Variants in ENPP6 observed in about 807,000 individuals in gnomAD.
ENPP6 encodes the protein ectonucleotide pyrophosphatase/phosphodiesterase 6, also known as glycerophosphocholine cholinephosphodiesterase ENPP6.
A neutral mutation model predicts 42.0 loss-of-function variants in ENPP6; 32 were observed. That is an observed-to-expected ratio of 0.76 (90% CI 0.58 to 1.02). The LOEUF (loss-of-function observed/expected upper bound fraction) is 1.02. Ranked by LOEUF, ENPP6 falls within the 50% of genes least tolerant of loss-of-function variation. The probability of loss-of-function intolerance (pLI) is 0.00; values close to 1 mark genes in which losing one functional copy is unlikely to be tolerated. For synonymous variants in ENPP6, 213 were observed against 216.0 expected (o/e 0.99, Z 0.12); for missense variants, 552 against 566.8 (o/e 0.97, Z 0.27).
chr4:184,093,270 T>G (rs1735839193), intron 7 of ENPP6, among the ~76,000 whole-genome samples: 3 of 152,176 alleles, frequency 2.0e-5, no homozygotes. Flanking sequence ...CTAAATTATC[T>G]GGAGGGTTTA....
intron 1 of ENPP6, among the ~76,000 whole-genome samples, chr4:184,157,732 C>A (rs1426489123): frequency 6.6e-6 from 1 of 150,928 alleles, no homozygotes; most frequent in Middle Eastern, 3.2e-3. Flanking sequence ...CTCAGCCTCC[C>A]AAGTAGCTGG....
chr4:184,210,951 C>T (rs1252323583), intron 1 of ENPP6, among the ~76,000 whole-genome samples: 2 of 151,478 alleles, frequency 1.3e-5, no homozygotes, highest in South Asian at 2.1e-4. Flanking sequence ...AACTGCTCAA[C>T]TACATGGAAA....
intron 1 of ENPP6, 79 bp from the exon 2 acceptor site, chr4:184,153,812 C>G (rs531540840): frequency 4.0e-6 from 6 of 1,492,544 alleles, no homozygotes; most frequent in Middle Eastern, 1.8e-4. Flanking sequence ...ATCATATAAG[C>G]CATTCGTGCT....
intron 3 of ENPP6, among the ~76,000 whole-genome samples, chr4:184,120,971 C>T (rs984874154): frequency 5.3e-5 from 8 of 152,158 alleles, no homozygotes; most frequent in South Asian, 4.1e-4. Context: ...AGCCCTAAGC[C>T]GCTGTGGAAA....
At chr4:184,203,472 C>T (rs1253010434) in intron 1 of ENPP6, among the ~76,000 whole-genome samples, 2 of 152,166 alleles carry the variant, frequency 1.3e-5, no homozygotes, top group Admixed American at 6.5e-5. Flanking sequence ...AAGCCCTTTG[C>T]AGACATAGTC....
intron 6 of ENPP6, among the ~76,000 whole-genome samples, chr4:184,104,022 C>CTTTT (rs374303995): frequency 2.0e-5 from 3 of 149,938 alleles, no homozygotes; most frequent in African/African-American, 7.3e-5. Context: ...CTTTTCTTTT[C>CTTTT]TTTTTTTGAA....
chr4:184,111,072 A>T (rs1736189092), intron 6 of ENPP6, among the ~76,000 whole-genome samples: 1 of 152,138 alleles, frequency 6.6e-6, no homozygotes, highest in Non-Finnish European at 1.5e-5. Flanking sequence ...GTCATCCAGC[A>T]TCTCCATAGT....
At chr4:184,161,209 C>T (rs1475009654) in intron 1 of ENPP6, among the ~76,000 whole-genome samples, 1 of 151,936 alleles carries the variant, frequency 6.6e-6, no homozygotes, top group South Asian at 2.1e-4. Context: ...AAAAAAAAAT[C>T]CCATGAAAAA....
intron 2 of ENPP6, among the ~76,000 whole-genome samples, chr4:184,142,475 CTT>C (rs1245055595): frequency 9.3e-5 from 14 of 150,948 alleles, no homozygotes; most frequent in Non-Finnish European, 5.9e-5. Flanking sequence ...CTCAGAGACA[CTT>C]TTCCTGGGGT....
At chr4:184,147,287 T>A (rs569328857) in intron 2 of ENPP6, among the ~76,000 whole-genome samples, 1 of 152,264 alleles carries the variant, frequency 6.6e-6, no homozygotes, top group Admixed American at 6.5e-5. Flanking sequence ...CCACCTCTGT[T>A]GCCCAGTCTG....
intron 2 of ENPP6, among the ~76,000 whole-genome samples, chr4:184,144,607 CCTAA>C (rs1472263537): frequency 1.3e-5 from 2 of 152,194 alleles, no homozygotes; most frequent in Non-Finnish European, 2.9e-5. Flanking sequence ...AGTCCAATGG[CCTAA>C]CTAAGGTAGG....
intron 1 of ENPP6, among the ~76,000 whole-genome samples, chr4:184,206,980 G>A (rs12505575): frequency 0.018 from 2,668 of 152,326 alleles, 77 homozygotes; most frequent in Admixed American, 0.059. Context: ...TACTGTGTGA[G>A]AACGGGACCT....
intron 3 of ENPP6, among the ~76,000 whole-genome samples, chr4:184,121,104 G>A (rs1287020083): frequency 1.3e-5 from 2 of 152,196 alleles, no homozygotes; most frequent in African/African-American, 2.4e-5. Context: ...CCACGGACAT[G>A]AGAACCAAGT....
chr4:184,175,747 T>C (rs2111096363), intron 1 of ENPP6, among the ~76,000 whole-genome samples: 1 of 151,988 alleles, frequency 6.6e-6, no homozygotes, highest in East Asian at 1.9e-4. Flanking sequence ...ACCCCAAAGG[T>C]AGAGGGAAAC....
intron 1 of ENPP6, among the ~76,000 whole-genome samples, chr4:184,168,074 A>G (rs2111089715): frequency 6.6e-6 from 1 of 152,226 alleles, no homozygotes; most frequent in East Asian, 1.9e-4. Flanking sequence ...GGAACTGAGG[A>G]CCTGTGAAAA....
intron 2 of ENPP6, 31 bp from the exon 3 acceptor site, chr4:184,124,303 T>C (rs1560985261): frequency 6.5e-7 from 1 of 1,527,388 alleles, no homozygotes; most frequent in Non-Finnish European, 9.1e-7. Flanking sequence ...AAATAGTTAC[T>C]CTCTTCAATA....
At chr4:184,175,628 G>GT (rs1737548186) in intron 1 of ENPP6, among the ~76,000 whole-genome samples, 1 of 152,176 alleles carries the variant, frequency 6.6e-6, no homozygotes, top group East Asian at 1.9e-4. Flanking sequence ...AAACTAGGCA[G>GT]TCTCCCCAAA....
intron 5 of ENPP6, among the ~76,000 whole-genome samples, chr4:184,115,717 C>A (rs1398061041): frequency 6.6e-6 from 1 of 152,204 alleles, no homozygotes; most frequent in East Asian, 1.9e-4. Context: ...TGGCTTCCAA[C>A]TGAACACAGA....
At chr4:184,162,651 G>T (rs1284582632) in intron 1 of ENPP6, among the ~76,000 whole-genome samples, 3 of 152,132 alleles carry the variant, frequency 2.0e-5, no homozygotes, top group Non-Finnish European at 2.9e-5. Context: ...TCCTATTGAA[G>T]TAGGAATTAG....
Sources: allele counts gnomAD v4.1 joint callset (sites outside exome capture counted in the v4.1 genomes callset), GRCh38; gene constraint gnomAD v4.1.1; transcripts MANE v1.5; gene names NCBI Gene and HGNC (gene_info 2026-07-23, HGNC 2026-07-21).